The following KCNIP4 variants were observed in gnomAD, a reference collection of about 807,000 sequenced individuals.
KCNIP4 encodes the protein Kv channel-interacting protein 4.
In KCNIP4, 12 loss-of-function variants were observed where a neutral mutation model predicts 34.0. The observed-to-expected ratio is 0.35, with a 90% CI of 0.23 to 0.57. KCNIP4 has a LOEUF of 0.57. Ranked by LOEUF, KCNIP4 falls within the 20% of genes least tolerant of loss-of-function variation. KCNIP4 has a pLI of 0.83. For missense variants in KCNIP4, 238 were observed against 311.7 expected, an observed-to-expected ratio of 0.76 and a Z score of 1.78; for synonymous variants, 124 against 102.2, an observed-to-expected ratio of 1.21 and a Z score of -1.29.
intron 1 of KCNIP4, among the ~76,000 whole-genome samples, chr4:21,247,799 G>T (rs1450511401): frequency 3.4e-5 from 2 of 59,160 alleles, no homozygotes; most frequent in East Asian, 3.3e-4. Context: ...CACCACAGGT[G>T]GATATATATA....
intron 1 of KCNIP4, among the ~76,000 whole-genome samples, chr4:21,190,834 C>A (rs528520751): frequency 6.6e-6 from 1 of 152,040 alleles, no homozygotes; most frequent in Non-Finnish European, 1.5e-5. Context: ...ATTTAGATGG[C>A]GCAGCTGCTC....
In KCNIP4 at chr4:21,429,866, A is replaced by G. The variant is rs183872754; in HGVS notation, c.61+518705T>C. ...ATCAAAGTTCCTAACTTTTCTTTCA[A>G]TACAACTGTGTCCAATGTAACATTA... On this transcript the variant is annotated intron_variant, in intron 1 of 8. Coordinates refer to ENST00000382152, the MANE Select transcript of KCNIP4 (RefSeq NM_025221.6). Among the ~76,000 whole-genome samples, 5 of 152,290 alleles carry G rather than the reference A, an allele frequency of 3.3e-5. No individual in the cohort carries two copies. In the East Asian group the frequency reaches 9.6e-4, roughly 29 times the overall value.
intron 3 of KCNIP4, among the ~76,000 whole-genome samples, chr4:20,818,778 A>G (rs1324959351): frequency 2.0e-5 from 3 of 152,300 alleles, no homozygotes; most frequent in Admixed American, 6.5e-5. Context: ...TAAGATTCAG[A>G]ATTAAAGAAG....
Position 21,796,267 on chromosome 4 carries a change from C to A in KCNIP4, c.61+152304G>T, listed in dbSNP as rs185387291. ...TTTTCTCTTTCTCAATTATCTATAG[C>A]ACAGGTTCTCTCCAACCTTTCATTC... On this transcript the variant is annotated intron_variant, in intron 1 of 8. Coordinates refer to ENST00000382152, the MANE Select transcript of KCNIP4 (RefSeq NM_025221.6). 1.4e-3 allele frequency among the ~76,000 whole-genome samples: 208 copies of A among 152,242 alleles called. 1 individual carries two copies. Among genetic ancestry groups the A allele is most frequent in the Non-Finnish European group, 2.3e-3 (154 of 68,034 alleles).
At chr4:21,479,294 G>T (rs186831734) in intron 1 of KCNIP4, among the ~76,000 whole-genome samples, 48 of 152,218 alleles carry the variant, frequency 3.2e-4, no homozygotes, top group Middle Eastern at 3.4e-3. Context: ...TTAAAATAAG[G>T]TATAAAATGT....
intron 1 of KCNIP4, among the ~76,000 whole-genome samples, chr4:21,626,575 G>A (rs1341162079): frequency 6.6e-6 from 1 of 151,948 alleles, no homozygotes; most frequent in Non-Finnish European, 1.5e-5. Flanking sequence ...AGGCCATGGT[G>A]TTTTGTTATG....
chr4:21,129,540 T>C (rs1750900034), intron 1 of KCNIP4, among the ~76,000 whole-genome samples: 1 of 152,208 alleles, frequency 6.6e-6, no homozygotes, highest in Non-Finnish European at 1.5e-5. Flanking sequence ...AGCATCATTG[T>C]GTCCACGGCA....
At chr4:21,051,891 C>T (rs1742965601) in intron 1 of KCNIP4, among the ~76,000 whole-genome samples, 1 of 152,116 alleles carries the variant, frequency 6.6e-6, no homozygotes, top group Admixed American at 6.6e-5. Context: ...ATGCAAGTTA[C>T]AAATATGAAA....
intron 1 of KCNIP4, among the ~76,000 whole-genome samples, chr4:21,640,728 C>A (rs1746554852): frequency 6.6e-6 from 1 of 151,992 alleles, no homozygotes; most frequent in African/African-American, 2.4e-5. Context: ...GGTTTGCTAC[C>A]CCAGCCTAGT....
chr4:20,897,012 C>T (rs13143295), intron 1 of KCNIP4, among the ~76,000 whole-genome samples: 51,594 of 151,794 alleles, frequency 0.34, 10,393 homozygotes, highest in East Asian at 0.5. Flanking sequence ...GAGTGGATTT[C>T]TACTTGTGTG....
Position 21,773,755 on chromosome 4 carries a change from T to G in KCNIP4, c.61+174816A>C, listed in dbSNP as rs112385869. 9.6e-3 allele frequency among the ~76,000 whole-genome samples: 1,330 copies of G among 137,906 alleles called. 19 individuals are homozygous for G. Among genetic ancestry groups the G allele is most frequent in the East Asian group, 0.034 (174 of 5,094 alleles). 90.5% of individuals were successfully genotyped at this position (137,906 alleles called of 152,430 possible). On this transcript the variant is annotated intron_variant, in intron 1 of 8. Transcript: ENST00000382152. Reference sequence around the variant, plus strand: ...CTGTTTTTTTTTGTTGTTTTTTTTTTTTTGTTTGTTTGTTTTTGTTTTGTT... The same window carrying G: ...CTGTTTTTTTTTGTTGTTTTTTTTTGTTTGTTTGTTTGTTTTTGTTTTGTT...
At chr4:21,772,349 C>A (rs1223273767) in intron 1 of KCNIP4, among the ~76,000 whole-genome samples, 1 of 152,144 alleles carries the variant, frequency 6.6e-6, no homozygotes, top group Non-Finnish European at 1.5e-5. Flanking sequence ...AGAATTTTCA[C>A]ATCAATGTTC....
At chr4:21,358,659 T>C (rs1718910058) in intron 1 of KCNIP4, among the ~76,000 whole-genome samples, 1 of 151,934 alleles carries the variant, frequency 6.6e-6, no homozygotes, top group South Asian at 2.1e-4. Context: ...GAAAGGAAAA[T>C]AAATCTTGGG....
intron 1 of KCNIP4, among the ~76,000 whole-genome samples, chr4:21,374,499 T>C (rs1720791415): frequency 6.8e-6 from 1 of 147,144 alleles, no homozygotes; most frequent in African/African-American, 2.7e-5. Context: ...TACATGGGAA[T>C]TATGGGAGCT....
In KCNIP4 at chr4:21,727,691, T is replaced by C. The variant is rs113541184; in HGVS notation, c.61+220880A>G. 8.7e-3 allele frequency among the ~76,000 whole-genome samples: 1,329 copies of C among 152,026 alleles called. 19 individuals are homozygous for C. Among genetic ancestry groups the C allele is most frequent in the South Asian group, 0.038 (185 of 4,810 alleles). On this transcript the variant is annotated intron_variant, in intron 1 of 8. Transcript: ENST00000382152. ...TAAAAATACAAAAATTATCCGGGTA[T>C]AGTGGTGCTCACCTGTAATCCCAGC...
intron 1 of KCNIP4, among the ~76,000 whole-genome samples, chr4:21,921,764 T>A (rs1420615966): frequency 6.6e-6 from 1 of 152,154 alleles, no homozygotes; most frequent in Non-Finnish European, 1.5e-5. Context: ...CACCAACACC[T>A]CCTGCCTGGG....
In KCNIP4 at chr4:21,832,944, T is replaced by C. The variant is rs915472124; in HGVS notation, c.61+115627A>G. On this transcript the variant is annotated intron_variant, in intron 1 of 8. Transcript: ENST00000382152. Reference sequence around the variant, plus strand: ...CTCATCATTTTTTATGGCTGCATAGTATTTCATGGTGTATATGTGCCACAT... The same window carrying C: ...CTCATCATTTTTTATGGCTGCATAGCATTTCATGGTGTATATGTGCCACAT... 8.2e-3 allele frequency among the ~76,000 whole-genome samples: 1,231 copies of C among 150,256 alleles called. 23 individuals are homozygous for C. Among genetic ancestry groups the C allele is most frequent in the African/African-American group, 0.029 (1,162 of 39,816 alleles).
intron 1 of KCNIP4, among the ~76,000 whole-genome samples, chr4:21,543,953 C>G (rs1025793795): frequency 1.3e-5 from 2 of 152,060 alleles, no homozygotes; most frequent in African/African-American, 4.8e-5. Flanking sequence ...GAAAACGAAC[C>G]ATAATTTATT....
chr4:21,788,691 T>C (rs1720069616), intron 1 of KCNIP4, among the ~76,000 whole-genome samples: 1 of 152,174 alleles, frequency 6.6e-6, no homozygotes, highest in Non-Finnish European at 1.5e-5. Context: ...ATAAAAATAG[T>C]TACCATTCCT....
Sources: gnomAD v4.1 joint callset for allele counts (sites outside exome capture counted in the v4.1 genomes callset) on GRCh38, gnomAD v4.1.1 for gene constraint, MANE v1.5 for transcripts, NCBI Gene and HGNC (gene_info 2026-07-23, HGNC 2026-07-21) for gene names.